Variants in CCDC61 observed in about 807,000 individuals in gnomAD.
CCDC61 encodes coiled-coil domain containing 61.
Under a neutral mutation model 63.0 loss-of-function variants are expected in CCDC61, and 55 were observed. The observed-to-expected ratio is 0.87, with a 90% CI of 0.70 to 1.09. The LOEUF (loss-of-function observed/expected upper bound fraction) is 1.09. Ranked by LOEUF, CCDC61 falls within the 50% of genes least tolerant of loss-of-function variation. CCDC61 has a pLI of 0.00. For synonymous variants in CCDC61, 270 were observed against 317.0 expected, an observed-to-expected ratio of 0.85 and a Z score of 1.58; for missense variants, 651 against 731.4, an observed-to-expected ratio of 0.89 and a Z score of 1.27.
chr19:46,012,172 G>C (rs1968840377), intron 5 of CCDC61, among the ~76,000 whole-genome samples: 1 of 152,136 alleles, frequency 6.6e-6, no homozygotes, highest in African/African-American at 2.4e-5. Context: ...GACTCCTCCA[G>C]ACACACCACT....
chr19:45,998,689 C>A (rs1968537202), intron 1 of CCDC61, among the ~76,000 whole-genome samples: 1 of 152,204 alleles, frequency 6.6e-6, no homozygotes, highest in African/African-American at 2.4e-5. Context: ...GTCAAATAAT[C>A]AACAGATCAC....
rs373742598 is a variant in CCDC61, at chr19:46,016,722, G to T, written c.1120G>T (p.Gly374Trp). 1.9e-5 allele frequency: 30 copies of T among 1,610,660 alleles called. No homozygotes were observed. Among genetic ancestry groups the T allele is most frequent in the South Asian group, 7.7e-5 (7 of 90,376 alleles). Residue 374 changes from glycine (G) to tryptophan (W), a missense_variant, in exon 10 of 14, where the codon GGG becomes TGG. Physicochemically the swap from Gly to Trp is radical, Grantham distance 184. Coordinates refer to ENST00000595358, the MANE Select transcript of CCDC61 (RefSeq NM_001267723.2). The surrounding 1 kb of genome is among the most constrained non-coding windows in gnomAD (Gnocchi z 7.2). ...KQQQRNRLGSGGSGDGPSVSW... is the reference protein window; with the variant it reads ...KQQQRNRLGSWGSGDGPSVSW... ...GCAGCAGCGGAACCGCTTAGGCAGT[G>T]GGGGAAGCGGGGACGGTCCGTCCGT...
At chr19:45,998,139 G>A (rs1239372225) in intron 1 of CCDC61, among the ~76,000 whole-genome samples, 1 of 152,208 alleles carries the variant, frequency 6.6e-6, no homozygotes, top group African/African-American at 2.4e-5. Context: ...ACCACCCTTT[G>A]GGGTCTCCCT....
intron 12 of CCDC61, 113 bp from the exon 13 acceptor site, chr19:46,017,965 G>A (rs1968981456): frequency 5.7e-6 from 5 of 875,480 alleles, no homozygotes; most frequent in Non-Finnish European, 8.7e-6. Context: ...GCCAGTAGGT[G>A]TCAGGCCTTA....
At chr19:46,010,857 A>C (rs1968814441) in intron 5 of CCDC61, among the ~76,000 whole-genome samples, 1 of 152,182 alleles carries the variant, frequency 6.6e-6, no homozygotes, top group Admixed American at 6.5e-5. Context: ...TTAACACATA[A>C]GGATATAAGT....
intron 5 of CCDC61, among the ~76,000 whole-genome samples, chr19:46,012,036 G>C (rs1193058268): frequency 6.6e-6 from 1 of 152,126 alleles, no homozygotes; most frequent in Non-Finnish European, 1.5e-5. Flanking sequence ...CTCTCGACCT[G>C]TCTCAAGTGA....
intron 5 of CCDC61, among the ~76,000 whole-genome samples, chr19:46,008,704 C>A (rs146944122): frequency 1.2e-4 from 18 of 152,300 alleles, no homozygotes; most frequent in African/African-American, 3.8e-4. Flanking sequence ...CCACTGCGCC[C>A]GGCCTCTGAG....
intron 2 of CCDC61, 124 bp from the exon 3 acceptor site, chr19:46,003,294 AG>A: frequency 6.4e-6 from 9 of 1,416,258 alleles, no homozygotes; most frequent in Non-Finnish European, 8.6e-6. Context: ...CAGTGTGGGG[AG>A]GGGTGTAGGT....
In CCDC61 at chr19:46,009,736, G is replaced by A. The variant is rs565180122; in HGVS notation, c.551+1435G>A. The stretch of plus-strand genomic sequence containing the variant: ...CCGGTCTTTGGAGGAGCTCGCCTGT[G>A]TACGGCTGGGCCGAGGAAGGCCGCA... On this transcript the variant is annotated intron_variant, in intron 5 of 13. Transcript: ENST00000595358. Among the ~76,000 whole-genome samples, 3 of 152,360 alleles carry A rather than the reference G, an allele frequency of 2.0e-5. No homozygotes were observed. In the South Asian group the frequency reaches 6.2e-4, roughly 32 times the overall value.
At chr19:46,005,596 G>A (rs777018025) in intron 3 of CCDC61, among the ~76,000 whole-genome samples, 1 of 151,850 alleles carries the variant, frequency 6.6e-6, no homozygotes, top group Admixed American at 6.6e-5. Flanking sequence ...TGTGAACACC[G>A]AGAAGCTATC....
rs751025101 is a variant in CCDC61, at chr19:46,017,011, T to C, written c.1252T>C (p.Cys418Arg). The change falls in exon 11 of 14, where the codon TGC becomes CGC. Residue 418 changes from cysteine (C) to arginine (R), a missense_variant. Transcript: ENST00000595358. ...TCTAGTGGACAGTTTCCGCAGCCGC[T>C]GCTCGTCTGCCAGCTCCTGCAGCGA... ...SSSVDSFRSR[C>R]SSASSCSDLE... is the part of the protein sequence containing the mutation. 4 of 1,612,146 alleles carry C rather than the reference T, an allele frequency of 2.5e-6. No homozygotes were observed. In the Admixed American group the frequency reaches 6.7e-5, roughly 27 times the overall value.
chr19:46,014,863 C>G (rs1464986579), intron 5 of CCDC61, among the ~76,000 whole-genome samples, 186 bp from the exon 6 acceptor site: 1 of 152,108 alleles, frequency 6.6e-6, no homozygotes, highest in East Asian at 1.9e-4. Context: ...GGTGATGTGA[C>G]CACATCCCTC....
intron 1 of CCDC61, among the ~76,000 whole-genome samples, chr19:45,995,829 G>T (rs1344585114): frequency 1.3e-5 from 2 of 152,110 alleles, no homozygotes; most frequent in Non-Finnish European, 2.9e-5. Flanking sequence ...TTAAGGCAGA[G>T]GGTTATTACA....
intron 3 of CCDC61, among the ~76,000 whole-genome samples, chr19:46,004,941 T>C (rs1319919534): frequency 2.1e-5 from 3 of 143,048 alleles, no homozygotes; most frequent in African/African-American, 7.9e-5. Flanking sequence ...CGGGTTCAAG[T>C]GATTCTCATG....
At position 46,012,851 on chromosome 19, in the gene CCDC61, A is replaced by ATT. The variant is rs369632790; in HGVS notation, c.552-2183_552-2182dup. Among the ~76,000 whole-genome samples the ATT allele has an allele frequency of 4.0e-3, 567 of 142,450 alleles. 5 individuals carry two copies. Among genetic ancestry groups the ATT allele is most frequent in the African/African-American group, 0.013 (489 of 38,516 alleles). The allele number at this position is 142,450 out of a possible 152,430, so 93.5% of individuals were successfully genotyped here. A position where few individuals can be genotyped will look rare whatever the true frequency, so the allele number is the denominator to read the frequency against. On this transcript the variant is annotated intron_variant, in intron 5 of 13. Coordinates refer to ENST00000595358, the MANE Select transcript of CCDC61 (RefSeq NM_001267723.2). ...TGTATCTCTTTTTGCACTTAATTTA[A>ATT]TTTTTTTTTTTTTTTTAAGAGACAG...
At chr19:46,007,341 C>T (rs183520958) in intron 4 of CCDC61, among the ~76,000 whole-genome samples, 41 of 152,306 alleles carry the variant, frequency 2.7e-4, no homozygotes, top group African/African-American at 7.0e-4. Context: ...TGAGCCACCA[C>T]GCCCGGCTTG....
chr19:45,996,665 G>A (rs1968498991), intron 1 of CCDC61, among the ~76,000 whole-genome samples: 2 of 152,160 alleles, frequency 1.3e-5, no homozygotes, highest in Non-Finnish European at 2.9e-5. Flanking sequence ...CTCCCAAAGT[G>A]TTGGGATTAC....
chr19:46,003,466 ATCT>A lies in CCDC61; in HGVS notation c.200_202del (p.Phe67del), dbSNP rs767453117. ...GACAGGGAACTTCAAACAGTTCAACATCTTCTGTCATATGCTGGAGTCAGCCCT... is the reference window on the plus strand; with the variant it reads ...GACAGGGAACTTCAAACAGTTCAACATCTGTCATATGCTGGAGTCAGCCCT... On this transcript the variant is annotated inframe_deletion, in exon 3 of 14. Coordinates refer to ENST00000595358, the MANE Select transcript of CCDC61 (RefSeq NM_001267723.2). 4 of 1,608,272 alleles carry A rather than the reference ATCT, an allele frequency of 2.5e-6. No homozygotes were observed. The highest frequency in any genetic ancestry group is 3.4e-6 in the Non-Finnish European group (4 of 1,177,162).
chr19:46,003,273 C>A, intron 2 of CCDC61, 107 bp downstream of exon 2: 1 of 1,456,178 alleles, frequency 6.9e-7, no homozygotes, highest in East Asian at 2.5e-5. Flanking sequence ...TCTTTGTCAC[C>A]AGAAACTCTC....
Sources: allele counts gnomAD v4.1 joint callset (sites outside exome capture counted in the v4.1 genomes callset), GRCh38; gene constraint gnomAD v4.1.1; non-coding constraint Gnocchi (gnomAD v3.1); transcripts MANE v1.5; gene names NCBI Gene and HGNC (gene_info 2026-07-23, HGNC 2026-07-21).